The following DLG2 variants were observed in gnomAD, a reference collection of about 807,000 sequenced individuals.
DLG2 encodes the protein disks large homolog 2.
Under a neutral mutation model 132.5 loss-of-function variants are expected in DLG2, and 45 were observed. The ratio of observed to expected loss-of-function variants is 0.34; its 90% CI spans 0.27 to 0.44. The LOEUF (loss-of-function observed/expected upper bound fraction) is 0.44, where lower values mean the gene tolerates loss of function less well. DLG2 is among the 20% of genes least tolerant of loss of function. The pLI is 1.00. For missense variants in DLG2, 1,045 were observed against 1,196.9 expected, an observed-to-expected ratio of 0.87 and a Z score of 1.87; for synonymous variants, 424 against 419.6, an observed-to-expected ratio of 1.01 and a Z score of -0.13.
chr11:85,583,054 A>G (rs1389862247), intron 3 of DLG2, among the ~76,000 whole-genome samples: 1 of 121,228 alleles, frequency 8.2e-6, no homozygotes, highest in East Asian at 2.4e-4. Flanking sequence ...AGGGGAAAAA[A>G]AAAATATATA....
chr11:83,504,734 C>A (rs951337975), intron 21 of DLG2, among the ~76,000 whole-genome samples: 1 of 152,162 alleles, frequency 6.6e-6, no homozygotes, highest in Admixed American at 6.5e-5. Context: ...AGTGGTGCCG[C>A]TTCCACTTCC....
intron 19 of DLG2, among the ~76,000 whole-genome samples, chr11:83,543,947 A>G (rs2096163070): frequency 6.6e-6 from 1 of 152,144 alleles, no homozygotes; most frequent in Non-Finnish European, 1.5e-5. Context: ...AACTGTTTGT[A>G]CAAACAATAT....
chr11:83,825,302 A>G (rs1594990043), intron 17 of DLG2, among the ~76,000 whole-genome samples: 1 of 149,984 alleles, frequency 6.7e-6, no homozygotes, highest in Non-Finnish European at 1.5e-5. Flanking sequence ...CTGCCTCAGC[A>G]TCCTGAGTAG....
At chr11:84,826,434 G>A (rs532043119) in intron 6 of DLG2, among the ~76,000 whole-genome samples, 1 of 151,750 alleles carries the variant, frequency 6.6e-6, no homozygotes, top group African/African-American at 2.4e-5. Context: ...GGAGAGCCTC[G>A]GAGGCAAAAA....
intron 8 of DLG2, among the ~76,000 whole-genome samples, chr11:84,213,383 T>C (rs529850207): frequency 1.1e-4 from 17 of 152,190 alleles, no homozygotes; most frequent in African/African-American, 3.6e-4. Context: ...GCTCAACAAA[T>C]GTCTATTGAA....
At chr11:83,483,076 A>C (rs2093250367) in intron 22 of DLG2, among the ~76,000 whole-genome samples, 1 of 152,166 alleles carries the variant, frequency 6.6e-6, no homozygotes, top group African/African-American at 2.4e-5. Context: ...AAATGCTGAC[A>C]TGCAGAACAA....
intron 7 of DLG2, among the ~76,000 whole-genome samples, chr11:84,457,581 C>A (rs2099068721): frequency 6.6e-6 from 1 of 150,878 alleles, no homozygotes; most frequent in Non-Finnish European, 1.5e-5. Context: ...AGCTTTCATG[C>A]AGAAAATAAC....
At chr11:85,464,161 C>G (rs1395459297) in intron 3 of DLG2, among the ~76,000 whole-genome samples, 1 of 152,132 alleles carries the variant, frequency 6.6e-6, no homozygotes, top group African/African-American at 2.4e-5. Flanking sequence ...AACACTACAT[C>G]ATGGTGCAGA....
chr11:85,133,532 C>T (rs533297970), intron 5 of DLG2, among the ~76,000 whole-genome samples: 2 of 152,262 alleles, frequency 1.3e-5, no homozygotes, highest in East Asian at 1.9e-4. Context: ...AAGGAAACTG[C>T]GGATTTGGAG....
chr11:84,202,509 A>C (rs1328985080), intron 8 of DLG2, among the ~76,000 whole-genome samples: 1 of 152,230 alleles, frequency 6.6e-6, no homozygotes, highest in Non-Finnish European at 1.5e-5. Context: ...CAAAACTATA[A>C]AAACCCTAGA....
At chr11:84,478,900 A>G (rs111783230) in intron 7 of DLG2, among the ~76,000 whole-genome samples, 2,366 of 152,228 alleles carry the variant, frequency 0.016, 36 homozygotes, top group Admixed American at 0.023. Flanking sequence ...GCATAACAAT[A>G]AAATCAGAAT....
intron 6 of DLG2, among the ~76,000 whole-genome samples, chr11:84,912,554 A>G (rs2092171299): frequency 6.6e-6 from 1 of 152,232 alleles, no homozygotes; most frequent in South Asian, 2.1e-4. Flanking sequence ...GATTCTTATC[A>G]TTACTAACCA....
intron 19 of DLG2, among the ~76,000 whole-genome samples, chr11:83,619,167 A>G (rs1220594311): frequency 6.6e-6 from 1 of 152,204 alleles, no homozygotes; most frequent in Non-Finnish European, 1.5e-5. Context: ...CTAAGGATGC[A>G]TCATCAACGA....
intron 7 of DLG2, among the ~76,000 whole-genome samples, chr11:84,286,376 T>C (rs1367757729): frequency 6.6e-6 from 1 of 152,172 alleles, no homozygotes; most frequent in African/African-American, 2.4e-5. Context: ...TCAATAGCTC[T>C]CCTGAGTAAA....
At chr11:83,571,080 C>T (rs1342953251) in intron 19 of DLG2, among the ~76,000 whole-genome samples, 1 of 152,040 alleles carries the variant, frequency 6.6e-6, no homozygotes, top group Non-Finnish European at 1.5e-5. Flanking sequence ...CAGGGTTTCA[C>T]CATGTTGGTC....
intron 7 of DLG2, among the ~76,000 whole-genome samples, chr11:84,521,564 T>A (rs1488738920): frequency 6.6e-6 from 1 of 152,242 alleles, no homozygotes; most frequent in Non-Finnish European, 1.5e-5. Context: ...GATATTGCGT[T>A]ATCTGATTAT....
chr11:85,079,450 AG>A (rs1490505369), intron 6 of DLG2, among the ~76,000 whole-genome samples: 7 of 151,640 alleles, frequency 4.6e-5, no homozygotes, highest in Admixed American at 2.6e-4. Flanking sequence ...GGCCAAGAGA[AG>A]GGATCAATTC....
intron 22 of DLG2, among the ~76,000 whole-genome samples, chr11:83,481,640 A>G (rs1416798617): frequency 6.6e-6 from 1 of 152,266 alleles, no homozygotes; most frequent in Non-Finnish European, 1.5e-5. Context: ...TCAGAACTGC[A>G]TTACTAATTT....
chr11:83,704,245 G>A (rs2083470054), intron 18 of DLG2, among the ~76,000 whole-genome samples: 2 of 152,140 alleles, frequency 1.3e-5, no homozygotes, highest in African/African-American at 4.8e-5. Context: ...ACATATTTTA[G>A]ATGACATTGT....
Sources: allele counts gnomAD v4.1 joint callset (sites outside exome capture counted in the v4.1 genomes callset), GRCh38; gene constraint gnomAD v4.1.1; transcripts MANE v1.5; gene names NCBI Gene and HGNC (gene_info 2026-07-23, HGNC 2026-07-21).